Variants in XKR4 observed in about 807,000 individuals in gnomAD.
XKR4 encodes the protein XK related 4, also known as XK-related protein 4.
XKR4 carries 12 observed loss-of-function variants against 53.9 expected under a neutral mutation model. The observed-to-expected ratio is 0.22, with a 90% CI of 0.14 to 0.36. XKR4 has a LOEUF of 0.36. Among genes scored for constraint, XKR4 ranks in the 10% least tolerant of loss-of-function variants. The pLI is 1.00. For synonymous variants in XKR4, 354 were observed against 362.4 expected, an observed-to-expected ratio of 0.98 and a Z score of 0.26; for missense variants, 799 against 859.5, an observed-to-expected ratio of 0.93 and a Z score of 0.88.
rs530266424 is a variant in XKR4, at chr8:55,450,227, C to A, written c.1007-73054C>A. 194 of 634,536 alleles carry A rather than the reference C, an allele frequency of 3.1e-4. 1 individual carries two copies. The South Asian group carries it at 3.1e-3, about 10-fold the overall frequency. 39.3% of individuals were successfully genotyped at this position (634,536 alleles called of 1,614,324 possible). ...ACCACACAGCACCTGCTCTGGGGAG[C>A]GCCTCCGTCAAACCGTTCTTCCTCA... On this transcript the variant is annotated intron_variant, in intron 2 of 2. Transcript: ENST00000327381.
At chr8:55,419,666 G>A (rs1804896595) in intron 2 of XKR4, among the ~76,000 whole-genome samples, 1 of 152,154 alleles carries the variant, frequency 6.6e-6, no homozygotes, top group African/African-American at 2.4e-5. Flanking sequence ...CTGCTACTTA[G>A]CAAATTAATA....
intron 1 of XKR4, among the ~76,000 whole-genome samples, chr8:55,218,794 ATGT>A (rs957991130): frequency 1.3e-5 from 2 of 152,158 alleles, no homozygotes; most frequent in East Asian, 1.9e-4. Context: ...AGTTTTGGAG[ATGT>A]TGTTACATTT....
At chr8:55,394,005 C>A (rs1005988351) in intron 2 of XKR4, among the ~76,000 whole-genome samples, 3 of 152,046 alleles carry the variant, frequency 2.0e-5, no homozygotes, top group African/African-American at 7.2e-5. Context: ...GAAAGCAGAC[C>A]CTGACCATGA....
rs576660955 is a variant in XKR4, at chr8:55,526,955, GT to G, written c.*2732del. On this transcript the variant is annotated 3_prime_UTR_variant, in exon 3 of 3. Transcript: ENST00000327381. ...ATCCGACATATTTGGAGATTATGAT[GT>G]TTTAATTAGGCATGAATTCTTGTTA... 236 of 152,270 alleles carry G rather than the reference GT, an allele frequency of 1.5e-3. No homozygotes were observed. The highest frequency in any genetic ancestry group is 5.4e-3 in the African/African-American group (223 of 41,556). The allele number at this position is 152,270 out of a possible 1,614,324, so 9.4% of individuals were successfully genotyped here.
At chr8:55,313,344 T>G (rs1402500067) in intron 1 of XKR4, among the ~76,000 whole-genome samples, 1 of 152,206 alleles carries the variant, frequency 6.6e-6, no homozygotes, top group African/African-American at 2.4e-5. Flanking sequence ...AGGATGCTAT[T>G]AGAGTAATGG....
intron 2 of XKR4, 61 bp downstream of exon 2, chr8:55,357,938 A>C: frequency 6.6e-7 from 1 of 1,526,468 alleles, no homozygotes; most frequent in Non-Finnish European, 8.9e-7. Context: ...CTTTTGTCAC[A>C]ATCCGAGGAA....
chr8:55,159,700 CAAGAT>C (rs1816958416), intron 1 of XKR4, among the ~76,000 whole-genome samples: 1 of 152,034 alleles, frequency 6.6e-6, no homozygotes, highest in South Asian at 2.1e-4. Context: ...CAAAAAAAGG[CAAGAT>C]AAGATTCCAT....
At chr8:55,323,336 C>A (rs1803243313) in intron 1 of XKR4, among the ~76,000 whole-genome samples, 2 of 152,148 alleles carry the variant, frequency 1.3e-5, no homozygotes, top group Admixed American at 6.5e-5. Flanking sequence ...GTAGTGCTAC[C>A]CCTTTGCGGT....
At chr8:55,449,872 G>T in intron 2 of XKR4, 1 of 939,492 alleles carries the variant, frequency 1.1e-6, no homozygotes, top group Non-Finnish European at 1.7e-6. Context: ...GGCTGTAAGG[G>T]TGCTGGTGCT....
chr8:55,184,007 C>A (rs759490349), intron 1 of XKR4, among the ~76,000 whole-genome samples: 5 of 152,106 alleles, frequency 3.3e-5, no homozygotes, highest in Non-Finnish European at 4.4e-5. Context: ...CAAACTTTCC[C>A]GAATGCCTAA....
At chr8:55,396,077 G>T (rs935672582) in intron 2 of XKR4, among the ~76,000 whole-genome samples, 2 of 152,162 alleles carry the variant, frequency 1.3e-5, no homozygotes, top group Non-Finnish European at 2.9e-5. Flanking sequence ...CTCACGTCCT[G>T]ACCACCTCCT....
intron 1 of XKR4, among the ~76,000 whole-genome samples, chr8:55,141,128 C>T (rs1055319599): frequency 2.0e-5 from 3 of 151,918 alleles, no homozygotes; most frequent in Non-Finnish European, 4.4e-5. Context: ...CCATTCCCCT[C>T]CCACCCACGC....
chr8:55,214,228 C>T (rs78377725), intron 1 of XKR4, among the ~76,000 whole-genome samples: 2,252 of 152,134 alleles, frequency 0.015, 45 homozygotes, highest in East Asian at 0.043. Flanking sequence ...GTAACTAAAG[C>T]ACAATTCAGT....
chr8:55,364,169 C>T lies in XKR4; in HGVS notation c.1006+6292C>T, dbSNP rs115414127. ...GAGCAGCCGTGTGTCCATTGTCAGA[C>T]AGTTCTGATGGACTGAATCACACAG... On this transcript the variant is annotated intron_variant, in intron 2 of 2. Coordinates refer to ENST00000327381, the MANE Select transcript of XKR4 (RefSeq NM_052898.2). Among the ~76,000 whole-genome samples the T allele has an allele frequency of 7.0e-3, 1,064 of 152,328 alleles. 10 individuals are homozygous for T. The highest frequency in any genetic ancestry group is 0.024 in the African/African-American group (1,009 of 41,570).
chr8:55,380,590 T>A (rs1804217039), intron 2 of XKR4, among the ~76,000 whole-genome samples: 1 of 152,272 alleles, frequency 6.6e-6, no homozygotes, highest in African/African-American at 2.4e-5. Flanking sequence ...TCTTAGTTAT[T>A]TTTAATGTTT....
At chr8:55,284,016 T>C (rs1469227830) in intron 1 of XKR4, among the ~76,000 whole-genome samples, 1 of 152,222 alleles carries the variant, frequency 6.6e-6, no homozygotes, top group Non-Finnish European at 1.5e-5. Context: ...AGAAGTCTAA[T>C]ATAATTGACT....
chr8:55,475,404 T>C (rs1805965606), intron 2 of XKR4, among the ~76,000 whole-genome samples: 1 of 151,624 alleles, frequency 6.6e-6, no homozygotes, highest in Non-Finnish European at 1.5e-5. Flanking sequence ...GTTGTTGTTG[T>C]TGTTGTTGTT....
intron 1 of XKR4, among the ~76,000 whole-genome samples, chr8:55,220,301 T>C (rs1236613647): frequency 2.0e-5 from 3 of 152,208 alleles, no homozygotes; most frequent in Non-Finnish European, 4.4e-5. Flanking sequence ...AAACAAATGA[T>C]TAAGTGTAAC....
Position 55,505,539 on chromosome 8 carries a change from A to G in XKR4, c.1007-17742A>G, listed in dbSNP as rs556060208. 1.3e-5 allele frequency among the ~76,000 whole-genome samples: 2 copies of G among 152,338 alleles called. 1 individual carries two copies. Among genetic ancestry groups the G allele is most frequent in the Middle Eastern group, 6.8e-3 (2 of 294 alleles). On this transcript the variant is annotated intron_variant, in intron 2 of 2. Transcript: ENST00000327381. The stretch of plus-strand genomic sequence containing the variant: ...ATACTCCTGCCTGGGCAACAGAACA[A>G]GACCCCATCTCAAAAACAAACAAAT...
Sources: gnomAD v4.1 joint callset for allele counts (sites outside exome capture counted in the v4.1 genomes callset) on GRCh38, gnomAD v4.1.1 for gene constraint, MANE v1.5 for transcripts, NCBI Gene and HGNC (gene_info 2026-07-23, HGNC 2026-07-21) for gene names.